The following EXOC3 variants were observed in gnomAD, a reference collection of about 807,000 sequenced individuals.
EXOC3 encodes SEC6-like 1.
In EXOC3, 21 loss-of-function variants were observed where a neutral mutation model predicts 73.7. That is an observed-to-expected ratio of 0.29 (90% confidence interval 0.20 to 0.41). The LOEUF is 0.41. Among genes scored for constraint, EXOC3 ranks in the 10% least tolerant of loss-of-function variants. The pLI, the probability that EXOC3 is intolerant of heterozygous loss-of-function variation, is 1.00. For synonymous variants in EXOC3, 410 were observed against 389.1 expected (o/e 1.05, Z -0.63); for missense variants, 842 against 985.1 (o/e 0.85, Z 1.95).
chr5:464,527 C>G, intron 10 of EXOC3, 115 bp downstream of exon 10: 5 of 1,211,668 alleles, frequency 4.1e-6, no homozygotes, highest in Non-Finnish European at 3.6e-6. Flanking sequence ...ACTTGTTGTC[C>G]TATCAGCCCA....
At chr5:456,744 T>G (rs1737827765) in intron 4 of EXOC3, 145 bp from the exon 5 acceptor site, 2 of 683,792 alleles carry the variant, frequency 2.9e-6, no homozygotes, top group Admixed American at 4.3e-5. Flanking sequence ...GCCCTGCACT[T>G]TCCCCTGAGC....
intron 5 of EXOC3, 166 bp from the exon 6 acceptor site, chr5:457,734 G>A (rs1737863288): frequency 4.6e-6 from 3 of 646,614 alleles, no homozygotes; most frequent in Non-Finnish European, 7.8e-6. Context: ...CTCCCATGGG[G>A]GTGGCTCCTG....
In EXOC3 at chr5:443,229, G is replaced by GGGCGGCGGCGGCGGCGGGGGCGGCGGC. The variant is rs1737383500; in HGVS notation, c.-101_-100insGGGCGGCGGCGGCGGCGGCGGCGGCGG. The stretch of plus-strand genomic sequence containing the variant: ...GCAGCGAAGGCGGAGGGGGCGGCGG[G>GGGCGGCGGCGGCGGCGGGGGCGGCGGC]GGCGGCGGCGGCGGCGGCGGCGGCG... On this transcript the variant is annotated 5_prime_UTR_variant, in exon 1 of 13. Coordinates refer to ENST00000512944, the MANE Select transcript of EXOC3 (RefSeq NM_007277.5). 1 of 138,814 alleles carries GGGCGGCGGCGGCGGCGGGGGCGGCGGC rather than the reference G, an allele frequency of 7.2e-6. No individual in the cohort carries two copies. Among genetic ancestry groups the GGGCGGCGGCGGCGGCGGGGGCGGCGGC allele is most frequent in the Non-Finnish European group, 1.7e-5 (1 of 59,068 alleles). 8.6% of individuals were successfully genotyped at this position (138,814 alleles called of 1,614,324 possible).
intron 11 of EXOC3, 128 bp downstream of exon 11, chr5:465,400 C>A: frequency 9.4e-7 from 1 of 1,068,566 alleles, no homozygotes; most frequent in East Asian, 2.6e-5. Flanking sequence ...GAGCCTGGGT[C>A]CAGGTCCTGC....
At chr5:445,188 G>A (rs919259624) in intron 1 of EXOC3, 1 of 152,282 alleles carries the variant, frequency 6.6e-6, no homozygotes, top group Non-Finnish European at 1.5e-5. Flanking sequence ...CGAGGAGGAC[G>A]ATGGTGGAGG....
At chr5:457,044 C>T in intron 5 of EXOC3, 38 bp downstream of exon 5, 1 of 1,443,230 alleles carries the variant, frequency 6.9e-7, no homozygotes, top group Non-Finnish European at 9.7e-7. Context: ...GACCACCGTG[C>T]TGGTTATATG....
rs60223149 is a variant in EXOC3, at chr5:454,888, T to TTA, written c.1046+837_1046+838insTA. Among the ~76,000 whole-genome samples the TTA allele has an allele frequency of 4.0e-5, 6 of 150,954 alleles. No individual in the cohort carries two copies. The East Asian group carries it at 7.8e-4, about 20-fold the overall frequency. On this transcript the variant is annotated intron_variant, in intron 4 of 12. Coordinates refer to ENST00000512944, the MANE Select transcript of EXOC3 (RefSeq NM_007277.5). ...ACCTCATTTTTTTTTTTTTTTTTTT[T>TTA]AGCAGTAAGGCATATTTTTTTGTGT...
intron 1 of EXOC3, among the ~76,000 whole-genome samples, chr5:443,959 C>G (rs1437862739): frequency 1.3e-5 from 2 of 151,462 alleles, no homozygotes; most frequent in Non-Finnish European, 1.5e-5. Flanking sequence ...TGCAGGTGTC[C>G]TCCAGCGGAG....
chr5:443,958 C>T (rs1413168628), intron 1 of EXOC3, among the ~76,000 whole-genome samples: 1 of 151,360 alleles, frequency 6.6e-6, no homozygotes, highest in African/African-American at 2.4e-5. Flanking sequence ...GTGCAGGTGT[C>T]CTCCAGCGGA....
Position 446,194 on chromosome 5 carries a change from A to G in EXOC3, c.-12A>G, listed in dbSNP as rs775886767. ...GCATGAACAGTGTGAGGATTCCACC[A>G]GCTTTTTCACCATGAAGGAGACAGA... On this transcript the variant is annotated 5_prime_UTR_variant, in exon 2 of 13. Coordinates refer to ENST00000512944, the MANE Select transcript of EXOC3 (RefSeq NM_007277.5). 5 of 1,613,946 alleles carry G rather than the reference A, an allele frequency of 3.1e-6. No individual in the cohort carries two copies. Among genetic ancestry groups the G allele is most frequent in the Non-Finnish European group, 3.4e-6 (4 of 1,179,852 alleles).
At chr5:449,689 TTGTC>T (rs1237373101) in intron 3 of EXOC3, among the ~76,000 whole-genome samples, 3 of 152,384 alleles carry the variant, frequency 2.0e-5, no homozygotes, top group African/African-American at 4.8e-5. Context: ...GCTTATCCGT[TTGTC>T]TGTTGGTGGA....
intron 4 of EXOC3, among the ~76,000 whole-genome samples, chr5:456,498 C>T (rs572541590): frequency 1.3e-5 from 2 of 152,168 alleles, no homozygotes; most frequent in South Asian, 4.1e-4. Context: ...GAATAGAACA[C>T]ACGTCTTCCC....
chr5:457,086 A>G (rs995564484), intron 5 of EXOC3, 80 bp downstream of exon 5: 4 of 988,752 alleles, frequency 4.0e-6, no homozygotes, highest in South Asian at 1.3e-5. Flanking sequence ...GGCAGGAGGC[A>G]GGGGGGAAAT....
At chr5:459,011 C>T (rs1737903951) in intron 6 of EXOC3, among the ~76,000 whole-genome samples, 1 of 152,186 alleles carries the variant, frequency 6.6e-6, no homozygotes, top group Non-Finnish European at 1.5e-5. Flanking sequence ...GTCATGGGGC[C>T]AGGGAGGGTG....
intron 3 of EXOC3, among the ~76,000 whole-genome samples, chr5:450,032 G>A (rs980023551): frequency 6.6e-6 from 1 of 152,166 alleles, no homozygotes; most frequent in Non-Finnish European, 1.5e-5. Context: ...GATCACCTGA[G>A]GTCAGGAGTT....
intron 5 of EXOC3, 136 bp downstream of exon 5, chr5:457,142 T>A: frequency 1.5e-6 from 1 of 656,826 alleles, no homozygotes. Flanking sequence ...TTGCCCGGGC[T>A]CTGCTTCCAG....
chr5:456,271 A>G (rs2671891), intron 4 of EXOC3, among the ~76,000 whole-genome samples: 132,522 of 152,282 alleles, frequency 0.87, 58,075 homozygotes, highest in African/African-American at 0.91. Flanking sequence ...ACTAAATACA[A>G]TGTGAATGCT....
At position 464,618 on chromosome 5, in the gene EXOC3, C is replaced by T. The variant is rs567211479; in HGVS notation, c.1776+206C>T. On this transcript the variant is annotated intron_variant, in intron 10 of 12. Coordinates refer to ENST00000512944, the MANE Select transcript of EXOC3 (RefSeq NM_007277.5). ...ATGGCCGGGGCCCTGTGGCATGGCC[C>T]TCGAGGTGGAGGGAGCCATGGTTCC... 4.0e-5 allele frequency: 21 copies of T among 528,012 alleles called. No individual in the cohort carries two copies. The East Asian group carries it at 4.6e-4, about 12-fold the overall frequency. 32.7% of individuals were successfully genotyped at this position (528,012 alleles called of 1,614,324 possible). A position where few individuals can be genotyped will look rare whatever the true frequency, so the allele number is the denominator to read the frequency against.
At position 465,858 on chromosome 5, in the gene EXOC3, C is replaced by T. The variant is rs373007912; in HGVS notation, c.2066+13C>T. 342 of 1,603,746 alleles carry T rather than the reference C, an allele frequency of 2.1e-4. No individual in the cohort carries two copies. The highest frequency in any genetic ancestry group is 5.2e-4 in the African/African-American group (39 of 74,920). Reference sequence around the variant, plus strand: ...ATCCAGACATCAGGTAAGGGATGCACGTCTTAGAATCCTGCCTTAGAATCC... The same window carrying T: ...ATCCAGACATCAGGTAAGGGATGCATGTCTTAGAATCCTGCCTTAGAATCC... On this transcript the variant is annotated intron_variant, in intron 12 of 12. Coordinates refer to ENST00000512944, the MANE Select transcript of EXOC3 (RefSeq NM_007277.5).
Sources: allele counts gnomAD v4.1 joint callset (sites outside exome capture counted in the v4.1 genomes callset), GRCh38; gene constraint gnomAD v4.1.1; transcripts MANE v1.5; gene names NCBI Gene and HGNC (gene_info 2026-07-23, HGNC 2026-07-21).